Variants in TULP4 observed in about 807,000 individuals in gnomAD.
TULP4 encodes the protein tubby-related protein 4.
In TULP4, 16 loss-of-function variants were observed where a neutral mutation model predicts 129.0. The observed-to-expected ratio is 0.12, with a 90% CI of 0.08 to 0.19. The LOEUF (loss-of-function observed/expected upper bound fraction) is 0.19. Ranked by LOEUF, TULP4 falls within the 10% of genes least tolerant of loss-of-function variation. TULP4 has a pLI of 1.00. For synonymous variants in TULP4, 998 were observed against 854.0 expected, an observed-to-expected ratio of 1.17 and a Z score of -2.94; for missense variants, 1,842 against 2,059.1, an observed-to-expected ratio of 0.89 and a Z score of 2.04.
intron 1 of TULP4, among the ~76,000 whole-genome samples, chr6:158,381,956 CT>C (rs1777337237): frequency 6.6e-6 from 1 of 152,068 alleles, no homozygotes; most frequent in African/African-American, 2.4e-5. Flanking sequence ...GTATGTCTCT[CT>C]TACTAGACAG....
upstream of TULP4, among the ~76,000 whole-genome samples, chr6:158,308,516 G>C (rs565848840): frequency 1.6e-3 from 245 of 152,054 alleles, no homozygotes; most frequent in African/African-American, 5.9e-3. Flanking sequence ...GAGCTGTTGG[G>C]TACACCTCCC....
intron 1 of TULP4, among the ~76,000 whole-genome samples, chr6:158,246,038 G>GTGTA (rs1778025803): frequency 3.0e-5 from 4 of 133,024 alleles, no homozygotes; most frequent in Admixed American, 7.0e-5. Context: ...GTGTGTGTGT[G>GTGTA]TGTGTGTGTG....
At chr6:158,324,136 C>T (rs1779695196) in intron 1 of TULP4, among the ~76,000 whole-genome samples, 1 of 152,172 alleles carries the variant, frequency 6.6e-6, no homozygotes, top group African/African-American at 2.4e-5. Flanking sequence ...GGATGTTCCG[C>T]TTTTATCTGC....
intron 1 of TULP4, among the ~76,000 whole-genome samples, chr6:158,307,000 G>T (rs1360690630): frequency 6.6e-6 from 1 of 152,120 alleles, no homozygotes; most frequent in African/African-American, 2.4e-5. Context: ...CAGCCTGGGC[G>T]ACAGAGTGAG....
At chr6:158,450,773 G>A (rs1779146650) in intron 4 of TULP4, among the ~76,000 whole-genome samples, 1 of 151,746 alleles carries the variant, frequency 6.6e-6, no homozygotes, top group Admixed American at 6.6e-5. Context: ...AAGAAAACAA[G>A]GGACTGGGCA....
intron 1 of TULP4, among the ~76,000 whole-genome samples, chr6:158,297,689 G>A (rs969131932): frequency 3.3e-5 from 5 of 152,048 alleles, no homozygotes; most frequent in Non-Finnish European, 7.4e-5. Flanking sequence ...CCCTCTGTTC[G>A]GGGTGCCTGA....
At position 158,272,918 on chromosome 6, in the gene TULP4, C is replaced by T. The variant is rs1336163885; in HGVS notation, n.69-39133C>T. Among the ~76,000 whole-genome samples, 5 of 152,290 alleles carry T rather than the reference C, an allele frequency of 3.3e-5. No homozygotes were observed. The East Asian group carries it at 9.6e-4, about 29-fold the overall frequency. ...TAAATATTGAAAAAGAGCTTATGGA[C>T]TTTGATTATTGGGTTTGTAGATGCA... is the stretch of plus-strand genomic sequence containing the variant. On this transcript the variant is annotated intron_variant and non_coding_transcript_variant, in intron 1 of 1. Transcript: ENST00000620026.
At chr6:158,254,356 T>A (rs1470698471) in intron 1 of TULP4, among the ~76,000 whole-genome samples, 1 of 152,146 alleles carries the variant, frequency 6.6e-6, no homozygotes, top group African/African-American at 2.4e-5. Flanking sequence ...TTGGCCAGGC[T>A]GGTCTCAAAC....
intron 1 of TULP4, among the ~76,000 whole-genome samples, chr6:158,330,105 G>T (rs950174423): frequency 6.7e-6 from 1 of 149,912 alleles, no homozygotes; most frequent in Non-Finnish European, 1.5e-5. Flanking sequence ...GCATGTAATC[G>T]ATATACAAAC....
chr6:158,368,066 C>CAAAA (rs3085241), intron 1 of TULP4, among the ~76,000 whole-genome samples: 8,463 of 64,064 alleles, frequency 0.13, 787 homozygotes, highest in Non-Finnish European at 0.17. Context: ...ACCCTGTCTC[C>CAAAA]AAAAAAAAAA....
At chr6:158,380,894 CAAAA>C (rs1227720723) in intron 1 of TULP4, among the ~76,000 whole-genome samples, 3 of 72,262 alleles carry the variant, frequency 4.2e-5, no homozygotes, top group Non-Finnish European at 5.2e-5. Context: ...ACTCTGTCTC[CAAAA>C]AAAAAAAAAA....
chr6:158,350,181 G>T, intron 1 of TULP4, among the ~76,000 whole-genome samples: 1 of 152,034 alleles, frequency 6.6e-6, no homozygotes, highest in Middle Eastern at 3.4e-3. Context: ...CGGCCGGGCA[G>T]AGGCTCTCCT....
intron 1 of TULP4, among the ~76,000 whole-genome samples, chr6:158,321,656 A>G (rs116289446): frequency 0.012 from 1,887 of 152,212 alleles, 43 homozygotes; most frequent in African/African-American, 0.04. Context: ...CTTGTCCCCA[A>G]GTCTTGTTAT....
At chr6:158,277,004 A>G (rs559639138) in intron 1 of TULP4, among the ~76,000 whole-genome samples, 3 of 152,104 alleles carry the variant, frequency 2.0e-5, no homozygotes, top group African/African-American at 4.8e-5. Context: ...CAGTGGTGCA[A>G]TCATGGCTCA....
At position 158,413,019 on chromosome 6, in the gene TULP4, C is replaced by T. The variant is rs1292546442; in HGVS notation, c.253-46C>T. ...TCACATCACAGAAATAATCCTGGCCCACAGATTTATTTCCTGTGGTAAATG... is the reference window on the plus strand; with the variant it reads ...TCACATCACAGAAATAATCCTGGCCTACAGATTTATTTCCTGTGGTAAATG... On this transcript the variant is annotated intron_variant, in intron 1 of 13. Transcript: ENST00000367097. The surrounding 1 kb of genome is among the most constrained non-coding windows in gnomAD (Gnocchi z 4.9). The T allele has an allele frequency of 1.3e-6, 2 of 1,575,540 alleles. No individual in the cohort carries two copies. Among genetic ancestry groups the T allele is most frequent in the South Asian group, 2.3e-5 (2 of 86,694 alleles).
At chr6:158,264,989 G>C (rs1778423030) in intron 1 of TULP4, among the ~76,000 whole-genome samples, 1 of 152,216 alleles carries the variant, frequency 6.6e-6, no homozygotes, top group Admixed American at 6.5e-5. Context: ...TTCAGGTGGT[G>C]CCTCTGACAA....
chr6:158,502,475 T>C lies in TULP4; in HGVS notation c.2812T>C (p.Cys938Arg). The C allele has an allele frequency of 1.2e-6, 2 of 1,612,900 alleles. No homozygotes were observed. The highest frequency in any genetic ancestry group is 1.7e-6 in the Non-Finnish European group (2 of 1,179,818). Residue 938 changes from cysteine to arginine, a missense_variant, in exon 13 of 14, where the codon TGC (cysteine) becomes CGC (arginine). By Grantham distance (180) the Cys-to-Arg change is radical (BLOSUM62 -3). This residue lies in a region of TULP4 where 1,089 missense variants were observed against 987.1 expected (regional missense o/e 1.10). Coordinates refer to ENST00000367097, the MANE Select transcript of TULP4 (RefSeq NM_020245.5). ...TATEKKVPQPCSSATLNRLTV... is the reference protein window; with the variant it reads ...TATEKKVPQPRSSATLNRLTV... ...CACTGAGAAGAAGGTCCCTCAGCCCTGCAGCAGTGCCACCCTGAACCGCCT... is the reference window on the plus strand; with the variant it reads ...CACTGAGAAGAAGGTCCCTCAGCCCCGCAGCAGTGCCACCCTGAACCGCCT...
intron 1 of TULP4, among the ~76,000 whole-genome samples, chr6:158,235,299 C>T (rs1199658283): frequency 1.3e-5 from 2 of 152,120 alleles, no homozygotes; most frequent in African/African-American, 4.8e-5. Flanking sequence ...ACTGAAACTC[C>T]AGACCTGTTA....
chr6:158,311,829 G>A (rs1051645024), upstream of TULP4, among the ~76,000 whole-genome samples: 1 of 152,106 alleles, frequency 6.6e-6, no homozygotes, highest in African/African-American at 2.4e-5. Context: ...TGAATACAAC[G>A]ATCAGTGGCA....
Sources: gnomAD v4.1 joint callset for allele counts (sites outside exome capture counted in the v4.1 genomes callset) on GRCh38, gnomAD v4.1.1 for gene constraint, gnomAD v4.1.1 regional missense constraint, Gnocchi (gnomAD v3.1) non-coding constraint, MANE v1.5 for transcripts, NCBI Gene and HGNC (gene_info 2026-07-23, HGNC 2026-07-21) for gene names.